Variants in AP3S2 observed in about 807,000 individuals in gnomAD.
AP3S2 encodes adaptor related protein complex 3 subunit sigma 2.
In AP3S2, 22 loss-of-function variants were observed where a neutral mutation model predicts 23.4. That is an observed-to-expected ratio of 0.94 (90% CI 0.67 to 1.34). AP3S2 has a LOEUF of 1.34. Among genes scored for constraint, AP3S2 ranks in the 40% most tolerant of loss-of-function variants. The pLI is 0.00. For synonymous variants in AP3S2, 86 were observed against 87.1 expected, an observed-to-expected ratio of 0.99 and a Z score of 0.07; for missense variants, 241 against 236.9, an observed-to-expected ratio of 1.02 and a Z score of -0.11.
chr15:89,834,982 TA>T lies in AP3S2; in HGVS notation c.*532del, dbSNP rs1214753039. On this transcript the variant is annotated 3_prime_UTR_variant, in exon 6 of 6. Coordinates refer to ENST00000336418, the MANE Select transcript of AP3S2 (RefSeq NM_005829.5). Reference sequence around the variant, plus strand: ...AGCCAGCGGGTGACTCTGGTTCTCCTAAAATTCTGCCCTTACTTGCCACTCA... The same window carrying T: ...AGCCAGCGGGTGACTCTGGTTCTCCTAAATTCTGCCCTTACTTGCCACTCA... 6.5e-6 allele frequency: 1 copy of T among 154,956 alleles called. No homozygotes were observed. The highest frequency in any genetic ancestry group is 2.4e-5 in the African/African-American group (1 of 41,444). The allele number at this position is 154,956 out of a possible 1,614,324, so 9.6% of individuals were successfully genotyped here.
At position 89,837,062 on chromosome 15, in the gene AP3S2, C is replaced by CATCT. The variant is rs535768266; in HGVS notation, c.453+549_453+552dup. Among the ~76,000 whole-genome samples, 208 of 152,314 alleles carry CATCT rather than the reference C, an allele frequency of 1.4e-3. 1 individual carries two copies. The highest frequency in any genetic ancestry group is 4.8e-3 in the African/African-American group (198 of 41,554). ...AGGGATAGGACAGAATTTATGTGAACATCTCTATCAAGCCCAGCACCATGT... is the reference window on the plus strand; with the variant it reads ...AGGGATAGGACAGAATTTATGTGAACATCTATCTCTATCAAGCCCAGCACCATGT... On this transcript the variant is annotated intron_variant, in intron 5 of 5. Transcript: ENST00000336418.
rs1896418069 is a variant in AP3S2, at chr15:89,875,352, A to G, written c.274-3806T>C. ...GCCCCAGAAAAAGACATCCCCAGATAGTGGGTGGAAAAAGAACTGTCAGAT... is the reference window on the plus strand; with the variant it reads ...GCCCCAGAAAAAGACATCCCCAGATGGTGGGTGGAAAAAGAACTGTCAGAT... On this transcript the variant is annotated intron_variant, in intron 3 of 5. Coordinates refer to ENST00000336418, the MANE Select transcript of AP3S2 (RefSeq NM_005829.5). Among the ~76,000 whole-genome samples, 5 of 152,346 alleles carry G rather than the reference A, an allele frequency of 3.3e-5. 1 individual carries two copies. The South Asian group carries it at 1.0e-3, about 32-fold the overall frequency.
intron 4 of AP3S2, among the ~76,000 whole-genome samples, chr15:89,847,557 C>A (rs569361250): frequency 4.6e-5 from 7 of 152,226 alleles, no homozygotes; most frequent in Admixed American, 1.3e-4. Flanking sequence ...TCCGGAAGGA[C>A]AGAGGATTCC....
intron 4 of AP3S2, among the ~76,000 whole-genome samples, chr15:89,839,805 AAATACAACAG>A (rs1484363530): frequency 1.3e-5 from 2 of 152,264 alleles, no homozygotes; most frequent in African/African-American, 4.8e-5. Flanking sequence ...TGTGCCATAG[AAATACAACAG>A]AATATTATTC....
chr15:89,890,236 G>C (rs1164067558), intron 1 of AP3S2, among the ~76,000 whole-genome samples: 1 of 152,054 alleles, frequency 6.6e-6, no homozygotes, highest in Non-Finnish European at 1.5e-5. Context: ...TTATAGTAGA[G>C]ATGGGGTTTC....
intron 4 of AP3S2, among the ~76,000 whole-genome samples, chr15:89,860,587 A>AC (rs1204681100): frequency 6.6e-6 from 1 of 152,160 alleles, no homozygotes; most frequent in Non-Finnish European, 1.5e-5. Flanking sequence ...ATATTTTTGG[A>AC]CCATGGTTGA....
chr15:89,844,654 G>A (rs895031690), intron 4 of AP3S2, among the ~76,000 whole-genome samples: 2 of 151,734 alleles, frequency 1.3e-5, no homozygotes, highest in South Asian at 4.2e-4. Flanking sequence ...CAACCTAGAA[G>A]GATCTCTTCT....
At chr15:89,887,395 G>A (rs1039666024) in intron 3 of AP3S2, among the ~76,000 whole-genome samples, 19 of 150,784 alleles carry the variant, frequency 1.3e-4, no homozygotes, top group African/African-American at 3.7e-4. Flanking sequence ...TTTTTGAGAC[G>A]GAGTCTCGCC....
At chr15:89,886,531 G>A (rs1289379621) in intron 3 of AP3S2, 1 of 151,742 alleles carries the variant, frequency 6.6e-6, no homozygotes, top group South Asian at 2.1e-4. Flanking sequence ...CTTGCATAGT[G>A]GCAATGCTAA....
At chr15:89,852,717 G>C (rs1895688681) in intron 4 of AP3S2, 1 of 152,230 alleles carries the variant, frequency 6.6e-6, no homozygotes, top group South Asian at 2.1e-4. Flanking sequence ...GCCACACCTA[G>C]ATCCCATAAA....
chr15:89,848,092 A>T (rs571159158), intron 4 of AP3S2, among the ~76,000 whole-genome samples: 1 of 152,328 alleles, frequency 6.6e-6, no homozygotes, highest in Non-Finnish European at 1.5e-5. Context: ...CCTCTAATCT[A>T]GATCAATCCC....
intron 3 of AP3S2, 97 bp from the exon 4 acceptor site, chr15:89,871,643 C>T: frequency 1.6e-6 from 2 of 1,245,672 alleles, no homozygotes; most frequent in Non-Finnish European, 2.3e-6. Flanking sequence ...TGTCACAATA[C>T]TATTTACTTT....
At chr15:89,847,418 GT>G (rs1895523615) in intron 4 of AP3S2, among the ~76,000 whole-genome samples, 1 of 144,588 alleles carries the variant, frequency 6.9e-6, no homozygotes, top group African/African-American at 2.5e-5. Flanking sequence ...ATTAAAATGA[GT>G]CTGCTAGTTT....
chr15:89,833,193 G>A lies in AP3S2; in HGVS notation c.*2322C>T, dbSNP rs1394197186. ...CATAACATTTACCACCTTGGGCTTCGGCTTCAACATCAGTTAAATGGAGGG... is the reference window on the plus strand; with the variant it reads ...CATAACATTTACCACCTTGGGCTTCAGCTTCAACATCAGTTAAATGGAGGG... On this transcript the variant is annotated 3_prime_UTR_variant, in exon 6 of 6. Transcript: ENST00000336418. 1.3e-5 allele frequency: 2 copies of A among 152,136 alleles called. No homozygotes were observed. The highest frequency in any genetic ancestry group is 2.4e-5 in the African/African-American group (1 of 41,418). The allele number at this position is 152,136 out of a possible 1,614,324, so 9.4% of individuals were successfully genotyped here.
chr15:89,870,496 G>A (rs1461629452), intron 4 of AP3S2, among the ~76,000 whole-genome samples: 1 of 152,164 alleles, frequency 6.6e-6, no homozygotes, highest in African/African-American at 2.4e-5. Context: ...CCATTCTAAT[G>A]TCATCCAAAC....
chr15:89,871,866 T>C (rs1184732676), intron 3 of AP3S2, among the ~76,000 whole-genome samples: 1 of 152,034 alleles, frequency 6.6e-6, no homozygotes, highest in African/African-American at 2.4e-5. Flanking sequence ...CTCAGCACTT[T>C]GAGAGCCCAA....
At position 89,834,950 on chromosome 15, in the gene AP3S2, T is replaced by G. The variant is rs1290844668; in HGVS notation, c.*565A>C. 6.5e-6 allele frequency: 1 copy of G among 152,676 alleles called. No individual in the cohort carries two copies. Among genetic ancestry groups the G allele is most frequent in the Admixed American group, 6.6e-5 (1 of 15,256 alleles). 9.5% of individuals were successfully genotyped at this position (152,676 alleles called of 1,614,324 possible). A position where few individuals can be genotyped will look rare whatever the true frequency, so the allele number is the denominator to read the frequency against. ...CAAAAGGATTCTGGGTGTAACAATC[T>G]CAGTAGAGCCAGCGGGTGACTCTGG... is the stretch of plus-strand genomic sequence containing the variant. On this transcript the variant is annotated 3_prime_UTR_variant, in exon 6 of 6. Coordinates refer to ENST00000336418, the MANE Select transcript of AP3S2 (RefSeq NM_005829.5).
chr15:89,855,349 A>G (rs1212630374), intron 4 of AP3S2, among the ~76,000 whole-genome samples: 8 of 99,706 alleles, frequency 8.0e-5, no homozygotes, highest in African/African-American at 3.1e-4. Flanking sequence ...AAGAGTCATC[A>G]CCAATCCCTA....
At chr15:89,871,677 C>A in intron 3 of AP3S2, 131 bp from the exon 4 acceptor site, 1 of 901,316 alleles carries the variant, frequency 1.1e-6, no homozygotes. Flanking sequence ...AAAATTAAAA[C>A]ACCTACCTTT....
Sources: gnomAD v4.1 joint callset for allele counts (sites outside exome capture counted in the v4.1 genomes callset) on GRCh38, gnomAD v4.1.1 for gene constraint, MANE v1.5 for transcripts, NCBI Gene and HGNC (gene_info 2026-07-23, HGNC 2026-07-21) for gene names.